PCDHA10: variants seen among roughly 807,000 people sequenced by gnomAD.
PCDHA10 encodes the protein protocadherin alpha-10.
In PCDHA10, 45 loss-of-function variants were observed where a neutral mutation model predicts 61.2. The ratio of observed to expected loss-of-function variants is 0.74; its 90% CI spans 0.58 to 0.94. The LOEUF (loss-of-function observed/expected upper bound fraction) is 0.94, where lower values mean the gene tolerates loss of function less well. Ranked by LOEUF, PCDHA10 falls within the 40% of genes least tolerant of loss-of-function variation. PCDHA10 has a pLI of 0.00. For missense variants in PCDHA10, 1,278 were observed against 1,236.2 expected, an observed-to-expected ratio of 1.03 and a Z score of -0.51; for synonymous variants, 602 against 548.8, an observed-to-expected ratio of 1.10 and a Z score of -1.35.
chr5:140,888,994 T>A (rs1486471421), intron 1 of PCDHA10, among the ~76,000 whole-genome samples: 5 of 152,154 alleles, frequency 3.3e-5, no homozygotes, highest in African/African-American at 1.2e-4. Flanking sequence ...TATGATTTTC[T>A]TATGGCAAAC....
At position 140,857,661 on chromosome 5, in the gene PCDHA10, A is replaced by T; in HGVS notation, c.1613A>T (p.Asp538Val). 1 of 1,596,582 alleles carries T rather than the reference A, an allele frequency of 6.3e-7. No homozygotes were observed. The highest frequency in any genetic ancestry group is 8.6e-7 in the Non-Finnish European group (1 of 1,167,722). ...CTACAGTTCCAGGTGAGCGCGCGCG[A>T]TGGGGGCGTGCCGCCTCTGGGCAGC... ...ELLQFQVSAR[D>V]GGVPPLGSNL... The change falls in exon 1 of 4, where the codon GAT becomes GTT. Residue 538 changes from aspartate (D) to valine (V), a missense_variant. Transcript: ENST00000307360.
intron 1 of PCDHA10, chr5:140,967,826 G>A (rs782046643): frequency 1.2e-6 from 2 of 1,614,168 alleles, no homozygotes; most frequent in East Asian, 4.5e-5. Context: ...GGTGCTGGTG[G>A]ACATCGTGGA....
At chr5:140,880,586 G>C (rs1212732393) in intron 1 of PCDHA10, among the ~76,000 whole-genome samples, 1 of 152,206 alleles carries the variant, frequency 6.6e-6, no homozygotes, top group African/African-American at 2.4e-5. Context: ...AGAGGAAAGA[G>C]AATATGGAAG....
chr5:140,928,452 G>A (rs1284379241), intron 1 of PCDHA10: 1 of 1,614,008 alleles, frequency 6.2e-7, no homozygotes, highest in Non-Finnish European at 8.5e-7. Flanking sequence ...AGCTCAGGGG[G>A]TTTCATTTCC....
intron 3 of PCDHA10, among the ~76,000 whole-genome samples, chr5:141,003,475 G>A (rs934289848): frequency 2.0e-5 from 3 of 151,932 alleles, no homozygotes; most frequent in Non-Finnish European, 2.9e-5. Flanking sequence ...CCACAGTCTC[G>A]CTAATTTTTA....
chr5:140,962,557 C>A (rs1554226125), intron 1 of PCDHA10, among the ~76,000 whole-genome samples: 2 of 152,112 alleles, frequency 1.3e-5, no homozygotes, highest in Admixed American at 6.6e-5. Flanking sequence ...AGGATCTCCC[C>A]CTAAAAGCCA....
At chr5:140,943,854 CAAG>C (rs1298449902) in intron 1 of PCDHA10, among the ~76,000 whole-genome samples, 7 of 152,158 alleles carry the variant, frequency 4.6e-5, no homozygotes, top group African/African-American at 1.7e-4. Flanking sequence ...TCACAGAAGT[CAAG>C]AAGAGGTCTC....
At chr5:140,926,925 G>A (rs1554203816) in intron 1 of PCDHA10, 1 of 1,574,118 alleles carries the variant, frequency 6.4e-7, no homozygotes, top group Admixed American at 1.8e-5. Flanking sequence ...TTTTATGTTT[G>A]TGGGTTTCCT....
intron 1 of PCDHA10, chr5:140,868,166 T>G (rs1427031961): frequency 1.3e-5 from 2 of 152,120 alleles, no homozygotes; most frequent in Non-Finnish European, 2.9e-5. Flanking sequence ...AGTGCTAAAT[T>G]TTGATATCTC....
intron 1 of PCDHA10, among the ~76,000 whole-genome samples, chr5:140,945,407 T>G (rs554073823): frequency 6.6e-6 from 1 of 152,128 alleles, no homozygotes; most frequent in Non-Finnish European, 1.5e-5. Context: ...ATACAATTCG[T>G]ATCAAAATTT....
chr5:140,971,845 G>A (rs370364575), intron 1 of PCDHA10, among the ~76,000 whole-genome samples: 4 of 152,052 alleles, frequency 2.6e-5, no homozygotes, highest in Admixed American at 6.5e-5. Context: ...CAAGTCATGC[G>A]TTAAATATTT....
chr5:140,947,975 A>C lies in PCDHA10; in HGVS notation c.2389-30974A>C, dbSNP rs572156919. ...TTTTACAATTAAGTATGTGCTACTC[A>C]TAGGTTTTTCCCAAATACTTTATTA... On this transcript the variant is annotated intron_variant, in intron 1 of 3. Transcript: ENST00000307360. Among the ~76,000 whole-genome samples the C allele has an allele frequency of 2.7e-5, 4 of 150,726 alleles. No individual in the cohort carries two copies. In the East Asian group the frequency reaches 7.8e-4, roughly 29 times the overall value.
chr5:140,928,807 C>G (rs782261335), intron 1 of PCDHA10: 1 of 1,614,094 alleles, frequency 6.2e-7, no homozygotes, highest in Admixed American at 1.7e-5. Context: ...GGTAGTGGTT[C>G]GGGACCATGG....
At chr5:140,977,306 C>G (rs995052680) in intron 1 of PCDHA10, among the ~76,000 whole-genome samples, 22 of 152,268 alleles carry the variant, frequency 1.4e-4, no homozygotes, top group African/African-American at 4.8e-4. Context: ...GACAAGCTAA[C>G]GATAGTGCTC....
chr5:140,862,825 C>G (rs782012901), intron 1 of PCDHA10: 2 of 572,056 alleles, frequency 3.5e-6, no homozygotes, highest in South Asian at 2.7e-5. Flanking sequence ...GGTGAGAGCG[C>G]GCGACGCGGG....
rs149166530 is a variant in PCDHA10, at chr5:140,990,443, A to G, written c.2536+7880A>G. Among the ~76,000 whole-genome samples the G allele has an allele frequency of 8.3e-4, 127 of 152,344 alleles. 2 individuals carry two copies. The East Asian group carries it at 0.024, about 29-fold the overall frequency. On this transcript the variant is annotated intron_variant, in intron 3 of 3. Transcript: ENST00000307360. ...CCAGCATTGACCCAATCTTGTGTCC[A>G]GAGCTGTTGCTGTAGGTGGTATCAT...
chr5:140,910,976 A>G (rs1265082758), intron 1 of PCDHA10, among the ~76,000 whole-genome samples: 1 of 152,058 alleles, frequency 6.6e-6, no homozygotes, highest in Non-Finnish European at 1.5e-5. Context: ...CTCATGGGTT[A>G]TACTCTGAAC....
chr5:140,942,641 G>T (rs1198552335), intron 1 of PCDHA10, among the ~76,000 whole-genome samples: 1 of 151,754 alleles, frequency 6.6e-6, no homozygotes, highest in African/African-American at 2.4e-5. Flanking sequence ...TGGCAAAAGA[G>T]ATCTCATTCA....
intron 1 of PCDHA10, among the ~76,000 whole-genome samples, chr5:140,899,821 C>G (rs1286169760): frequency 1.3e-5 from 2 of 151,902 alleles, no homozygotes; most frequent in African/African-American, 4.8e-5. Flanking sequence ...TTTGTTTTTC[C>G]TTTTTGAGAC....
Sources: allele counts gnomAD v4.1 joint callset (sites outside exome capture counted in the v4.1 genomes callset), GRCh38; gene constraint gnomAD v4.1.1; transcripts MANE v1.5; gene names NCBI Gene and HGNC (gene_info 2026-07-23, HGNC 2026-07-21).